CPNE4: variants seen among roughly 807,000 people sequenced by gnomAD.
CPNE4 encodes the protein copine 4, also known as copine-4.
CPNE4 carries 25 observed loss-of-function variants against 67.9 expected under a neutral mutation model. The observed-to-expected ratio is 0.37, with a 90% confidence interval of 0.27 to 0.51. CPNE4 has a LOEUF of 0.51. Among genes scored for constraint, CPNE4 ranks in the 20% least tolerant of loss-of-function variants. CPNE4 has a pLI of 0.93. For synonymous variants in CPNE4, 242 were observed against 244.9 expected, an observed-to-expected ratio of 0.99 and a Z score of 0.11; for missense variants, 464 against 690.8, an observed-to-expected ratio of 0.67 and a Z score of 3.68.
chr3:131,794,263 G>T (rs1418843857), intron 2 of CPNE4, among the ~76,000 whole-genome samples: 4 of 148,472 alleles, frequency 2.7e-5, no homozygotes, highest in East Asian at 3.9e-4. Flanking sequence ...TTTTTAGATG[G>T]AGTCTTGCTG....
intron 2 of CPNE4, among the ~76,000 whole-genome samples, chr3:131,779,648 T>C (rs2083383894): frequency 6.6e-6 from 1 of 152,144 alleles, no homozygotes; most frequent in African/African-American, 2.4e-5. Context: ...AGATTGAAAC[T>C]GGACCCTTAC....
At chr3:131,771,654 A>G (rs2083168935) in intron 2 of CPNE4, among the ~76,000 whole-genome samples, 1 of 152,146 alleles carries the variant, frequency 6.6e-6, no homozygotes, top group African/African-American at 2.4e-5. Context: ...TGCAACCTGT[A>G]GAACCATGAA....
chr3:131,594,111 T>C (rs779130408), intron 7 of CPNE4, among the ~76,000 whole-genome samples: 11 of 152,150 alleles, frequency 7.2e-5, no homozygotes, highest in Non-Finnish European at 1.6e-4. Flanking sequence ...TTTTTTACTA[T>C]TGAGTATGAT....
chr3:131,559,324 T>C (rs1338656962), intron 11 of CPNE4, among the ~76,000 whole-genome samples: 1 of 152,034 alleles, frequency 6.6e-6, no homozygotes, highest in Non-Finnish European at 1.5e-5. Context: ...TCTTAGTATT[T>C]ACATTGATGA....
At chr3:131,805,182 A>T (rs2084264719) in intron 2 of CPNE4, among the ~76,000 whole-genome samples, 1 of 152,114 alleles carries the variant, frequency 6.6e-6, no homozygotes, top group African/African-American at 2.4e-5. Flanking sequence ...AAACTGAAAG[A>T]TGTGTTTTTC....
chr3:131,953,490 CCTT>C (rs2071842342), intron 1 of CPNE4, among the ~76,000 whole-genome samples: 1 of 151,860 alleles, frequency 6.6e-6, no homozygotes, highest in Non-Finnish European at 1.5e-5. Context: ...TGGTTTTTGT[CCTT>C]CATTATGTTG....
intron 1 of CPNE4, among the ~76,000 whole-genome samples, chr3:131,958,073 T>A (rs2072029604): frequency 6.6e-6 from 1 of 152,180 alleles, no homozygotes; most frequent in Non-Finnish European, 1.5e-5. Context: ...TCTCAAAGCA[T>A]GAGAAAGACT....
intron 2 of CPNE4, among the ~76,000 whole-genome samples, chr3:131,852,085 G>GAAC (rs1346056163): frequency 6.6e-6 from 1 of 151,922 alleles, no homozygotes; most frequent in Non-Finnish European, 1.5e-5. Flanking sequence ...AGACATGGGA[G>GAAC]AACAAATGCA....
rs2081340817 is a variant in CPNE4, at chr3:131,703,101, G to A, written c.361-3121C>T. Reference sequence around the variant, plus strand: ...CCCAACTGGAGCAGTGATCTGTAGAGAAAAGCCTATTTGTTGCAAATCCCA... The same window carrying A: ...CCCAACTGGAGCAGTGATCTGTAGAAAAAAGCCTATTTGTTGCAAATCCCA... On this transcript the variant is annotated intron_variant, in intron 3 of 15. Coordinates refer to ENST00000429747, the MANE Select transcript of CPNE4 (RefSeq NM_130808.3). 5.3e-5 allele frequency among the ~76,000 whole-genome samples: 8 copies of A among 152,192 alleles called. 1 individual carries two copies. The South Asian group carries it at 1.7e-3, about 32-fold the overall frequency.
At chr3:131,814,394 C>G (rs921707657) in intron 2 of CPNE4, among the ~76,000 whole-genome samples, 2 of 151,934 alleles carry the variant, frequency 1.3e-5, no homozygotes, top group Non-Finnish European at 2.9e-5. Context: ...TGATTCATTA[C>G]TCATAACTCA....
intron 2 of CPNE4, among the ~76,000 whole-genome samples, chr3:131,895,709 A>G (rs1359736352): frequency 6.6e-6 from 1 of 152,102 alleles, no homozygotes; most frequent in African/African-American, 2.4e-5. Context: ...TCATCTCACT[A>G]AAGTTGATAA....
intron 2 of CPNE4, among the ~76,000 whole-genome samples, chr3:131,853,679 A>G (rs977775997): frequency 3.3e-5 from 5 of 151,944 alleles, no homozygotes; most frequent in Non-Finnish European, 5.9e-5. Flanking sequence ...TAGCATAGGA[A>G]GAACTACAAA....
At chr3:131,581,939 C>T (rs1041347468) in intron 8 of CPNE4, among the ~76,000 whole-genome samples, 1 of 152,162 alleles carries the variant, frequency 6.6e-6, no homozygotes, top group Non-Finnish European at 1.5e-5. Flanking sequence ...AATGTCTTCT[C>T]TGCAAAATGG....
chr3:131,945,481 T>C (rs1252230301), intron 1 of CPNE4, among the ~76,000 whole-genome samples: 1 of 152,200 alleles, frequency 6.6e-6, no homozygotes, highest in East Asian at 1.9e-4. Context: ...GAACTAGAGA[T>C]GGGTGATTCC....
intron 6 of CPNE4, among the ~76,000 whole-genome samples, chr3:131,676,102 C>G (rs1422381342): frequency 1.3e-5 from 2 of 150,130 alleles, no homozygotes; most frequent in African/African-American, 4.9e-5. Flanking sequence ...GTTGTCCAGG[C>G]TGGAATGCAG....
chr3:132,001,925 A>G (rs1010966476), intron 1 of CPNE4, among the ~76,000 whole-genome samples: 1 of 152,094 alleles, frequency 6.6e-6, no homozygotes, highest in African/African-American at 2.4e-5. Context: ...CAACTTCCCT[A>G]GATCAGCTGC....
chr3:131,948,563 T>C (rs1190053062), intron 1 of CPNE4, among the ~76,000 whole-genome samples: 3 of 152,262 alleles, frequency 2.0e-5, no homozygotes, highest in Non-Finnish European at 4.4e-5. Context: ...TTTTTTGGAT[T>C]GCTCATTGTT....
At chr3:131,885,691 TC>T (rs2087855904) in intron 2 of CPNE4, among the ~76,000 whole-genome samples, 1 of 151,802 alleles carries the variant, frequency 6.6e-6, no homozygotes, top group Non-Finnish European at 1.5e-5. Context: ...TCCCTCCTGC[TC>T]CCCCCACCCC....
In CPNE4 at chr3:131,688,046, T is replaced by C. The variant is rs138647641; in HGVS notation, c.508-2088A>G. 1.5e-3 allele frequency among the ~76,000 whole-genome samples: 234 copies of C among 152,310 alleles called. 1 individual carries two copies. Among genetic ancestry groups the C allele is most frequent in the African/African-American group, 5.1e-3 (212 of 41,580 alleles). Reference sequence around the variant, plus strand: ...GGGCCTTAAATGCTCATCTGAAGTCTTTGCACTGGCCTGGAGAGGCAGGGG... The same window carrying C: ...GGGCCTTAAATGCTCATCTGAAGTCCTTGCACTGGCCTGGAGAGGCAGGGG... On this transcript the variant is annotated intron_variant, in intron 5 of 15. Coordinates refer to ENST00000429747, the MANE Select transcript of CPNE4 (RefSeq NM_130808.3).
Sources: allele counts gnomAD v4.1 joint callset (sites outside exome capture counted in the v4.1 genomes callset), GRCh38; gene constraint gnomAD v4.1.1; transcripts MANE v1.5; gene names NCBI Gene and HGNC (gene_info 2026-07-23, HGNC 2026-07-21).